The following RSRC1 variants were observed in gnomAD, a reference collection of about 807,000 sequenced individuals.
RSRC1 encodes the protein serine/Arginine-related protein 53.
RSRC1 carries 39 observed loss-of-function variants against 49.1 expected under a neutral mutation model. The observed-to-expected ratio is 0.79, with a 90% CI of 0.61 to 1.04. The LOEUF (loss-of-function observed/expected upper bound fraction) is 1.04. Ranked by LOEUF, RSRC1 falls within the 50% of genes least tolerant of loss-of-function variation. The pLI is 0.00. For missense variants in RSRC1, 388 were observed against 402.4 expected, an observed-to-expected ratio of 0.96 and a Z score of 0.31; for synonymous variants, 143 against 130.8, an observed-to-expected ratio of 1.09 and a Z score of -0.63.
At chr3:158,320,394 T>C (rs572931740) in intron 5 of RSRC1, among the ~76,000 whole-genome samples, 1 of 152,352 alleles carries the variant, frequency 6.6e-6, no homozygotes, top group East Asian at 1.9e-4. Context: ...ATATGTAATA[T>C]GTGTTTGTTA....
intron 4 of RSRC1, chr3:158,275,851 A>G (rs1725780294): frequency 1.8e-6 from 1 of 562,516 alleles, no homozygotes; most frequent in Non-Finnish European, 3.1e-6. Flanking sequence ...GCCTTCTCCA[A>G]GCTGCCTGGC....
At chr3:158,301,494 T>A (rs1727546503) in intron 5 of RSRC1, among the ~76,000 whole-genome samples, 2 of 152,132 alleles carry the variant, frequency 1.3e-5, no homozygotes, top group Non-Finnish European at 2.9e-5. Context: ...GCTCAGATTG[T>A]CCCAGATTTA....
chr3:158,365,713 G>A (rs114164104), intron 6 of RSRC1, among the ~76,000 whole-genome samples: 3,736 of 152,228 alleles, frequency 0.025, 156 homozygotes, highest in African/African-American at 0.086. Flanking sequence ...GCTCCTTGAG[G>A]AATCACCACA....
chr3:158,278,001 A>G (rs1725913479), intron 4 of RSRC1, among the ~76,000 whole-genome samples: 1 of 152,178 alleles, frequency 6.6e-6, no homozygotes, highest in Non-Finnish European at 1.5e-5. Context: ...GTTTAGGATA[A>G]AAGTGGTTGA....
intron 7 of RSRC1, among the ~76,000 whole-genome samples, chr3:158,502,572 T>C (rs538080905): frequency 2.0e-5 from 3 of 152,188 alleles, no homozygotes; most frequent in Non-Finnish European, 4.4e-5. Context: ...TTATTCTTTT[T>C]TCATTGTCTT....
At chr3:158,361,787 T>C (rs1731490046) in intron 6 of RSRC1, among the ~76,000 whole-genome samples, 1 of 152,142 alleles carries the variant, frequency 6.6e-6, no homozygotes, top group African/African-American at 2.4e-5. Flanking sequence ...TTGCACATTG[T>C]TTTTCTCTTC....
At chr3:158,302,667 C>CATTTTTTTTT in intron 5 of RSRC1, 1 of 98,094 alleles carries the variant, frequency 1.0e-5, no homozygotes. Context: ...TTTTTTCTTC[C>CATTTTTTTTT]TTTTTTTTTT....
intron 6 of RSRC1, among the ~76,000 whole-genome samples, chr3:158,444,537 C>T (rs940532016): frequency 7.0e-6 from 1 of 142,670 alleles, no homozygotes; most frequent in African/African-American, 2.5e-5. Context: ...AAATATTAGA[C>T]CTAAAACCAT....
rs1341638443 is a variant in RSRC1, at chr3:158,339,187, G to T, written c.532-15670G>T. Among the ~76,000 whole-genome samples the T allele has an allele frequency of 2.0e-5, 3 of 151,918 alleles. No individual in the cohort carries two copies. In the East Asian group the frequency reaches 5.8e-4, roughly 30 times the overall value. ...GGCGCCTGTAGTCCCAGCTATTCTG[G>T]AGGCTGAGGCAGGAGAATGGCGTGA... On this transcript the variant is annotated intron_variant, in intron 5 of 9. Transcript: ENST00000611884.
intron 3 of RSRC1, among the ~76,000 whole-genome samples, chr3:158,164,752 A>G (rs950715817): frequency 6.6e-6 from 1 of 152,120 alleles, no homozygotes; most frequent in Non-Finnish European, 1.5e-5. Context: ...ATTTAAATGC[A>G]TTTGTTTTAA....
chr3:158,220,243 G>A (rs1722158567), intron 4 of RSRC1, among the ~76,000 whole-genome samples: 1 of 151,570 alleles, frequency 6.6e-6, no homozygotes, highest in South Asian at 2.1e-4. Context: ...GTGAAGGTGG[G>A]AATGAGAAGG....
chr3:158,372,902 T>A (rs1732160247), intron 6 of RSRC1, among the ~76,000 whole-genome samples: 1 of 151,840 alleles, frequency 6.6e-6, no homozygotes. Context: ...AGCACATACA[T>A]CTTGCATGTA....
At chr3:158,225,331 A>G (rs531556500) in intron 4 of RSRC1, among the ~76,000 whole-genome samples, 12 of 151,968 alleles carry the variant, frequency 7.9e-5, no homozygotes, top group African/African-American at 2.7e-4. Flanking sequence ...GAGATTTTGT[A>G]TCTCCCTACT....
chr3:158,147,956 G>T (rs527925868), intron 3 of RSRC1, among the ~76,000 whole-genome samples: 1 of 152,194 alleles, frequency 6.6e-6, no homozygotes, highest in Non-Finnish European at 1.5e-5. Context: ...TTATAGTTGT[G>T]TCCAATAACT....
intron 4 of RSRC1, among the ~76,000 whole-genome samples, chr3:158,235,826 A>T (rs1261490263): frequency 2.0e-5 from 3 of 152,232 alleles, no homozygotes; most frequent in Non-Finnish European, 4.4e-5. Context: ...GCAATTAGAA[A>T]AATAAACCAG....
chr3:158,261,381 ATCT>A (rs1030454753), intron 4 of RSRC1, among the ~76,000 whole-genome samples: 1 of 152,150 alleles, frequency 6.6e-6, no homozygotes, highest in African/African-American at 2.4e-5. Flanking sequence ...ACATGTTTCC[ATCT>A]TCTTATTTTT....
chr3:158,338,635 T>G (rs1478625272), intron 5 of RSRC1, among the ~76,000 whole-genome samples: 3 of 152,240 alleles, frequency 2.0e-5, no homozygotes, highest in East Asian at 3.8e-4. Context: ...TTAAGGCCAT[T>G]AATGGTAGCA....
At chr3:158,339,223 C>T (rs1217077246) in intron 5 of RSRC1, among the ~76,000 whole-genome samples, 1 of 138,274 alleles carries the variant, frequency 7.2e-6, no homozygotes, top group Non-Finnish European at 1.5e-5. Flanking sequence ...ACCCGGGAAG[C>T]GGAGCTTGCA....
At chr3:158,222,885 A>G (rs1050802778) in intron 4 of RSRC1, among the ~76,000 whole-genome samples, 11 of 151,612 alleles carry the variant, frequency 7.3e-5, no homozygotes, top group Admixed American at 6.6e-4. Flanking sequence ...AAACAAAGCA[A>G]AACACAACCC....
Sources: allele counts gnomAD v4.1 joint callset (sites outside exome capture counted in the v4.1 genomes callset), GRCh38; gene constraint gnomAD v4.1.1; transcripts MANE v1.5; gene names NCBI Gene and HGNC (gene_info 2026-07-23, HGNC 2026-07-21).